Variants in IGSF10 observed in about 807,000 individuals in gnomAD.
The protein encoded by IGSF10 is immunoglobulin superfamily member 10.
A neutral mutation model predicts 128.2 loss-of-function variants in IGSF10; 126 were observed. The ratio of observed to expected loss-of-function variants is 0.98; its 90% confidence interval spans 0.85 to 1.14. IGSF10 has a LOEUF of 1.14. Among genes scored for constraint, IGSF10 ranks in the 50% most tolerant of loss-of-function variants. The probability of loss-of-function intolerance (pLI) is 0.00; values close to 1 mark genes in which losing one functional copy is unlikely to be tolerated. For synonymous variants in IGSF10, 1,185 were observed against 1,146.2 expected (o/e 1.03, Z -0.68); for missense variants, 3,295 against 3,149.8 (o/e 1.05, Z -1.10).
intron 5 of IGSF10, among the ~76,000 whole-genome samples, chr3:151,451,993 A>G (rs2108564259): frequency 1.3e-5 from 2 of 152,332 alleles, no homozygotes; most frequent in South Asian, 2.1e-4. Flanking sequence ...TCAGTGCAAA[A>G]GGATTGCCTA....
the IGSF10 span, among the ~76,000 whole-genome samples, chr3:151,539,187 G>A: frequency 3.3e-5 from 5 of 152,286 alleles, no homozygotes; most frequent in East Asian, 1.9e-4. Flanking sequence ...GAGTCCACAT[G>A]TTACACATGA....
At chr3:151,504,004 G>A in the IGSF10 span, among the ~76,000 whole-genome samples, 4 of 152,230 alleles carry the variant, frequency 2.6e-5, no homozygotes, top group South Asian at 8.3e-4. Context: ...TTATAATAGT[G>A]ATGTTATCCC....
the IGSF10 span, among the ~76,000 whole-genome samples, chr3:151,614,325 A>G: frequency 1.8e-4 from 28 of 152,344 alleles, no homozygotes; most frequent in Admixed American, 1.4e-3. Context: ...TACTGGGTAT[A>G]TACCCAAAGG....
the IGSF10 span, among the ~76,000 whole-genome samples, chr3:151,534,393 T>C: frequency 5.3e-5 from 8 of 152,150 alleles, no homozygotes; most frequent in African/African-American, 1.2e-4. Context: ...AGCAAAGACT[T>C]GGAACCAACC....
In IGSF10 at chr3:151,436,700, G is replaced by T; in HGVS notation, c.7861C>A (p.Gln2621Lys). ...TTTATTATTTCATGTCAGATTACTT[G>T]AATATACGTTGCTGCATAATCACTA... ...LGSDYAATYI[Q>K]VI The change falls in exon 8 of 8, where the codon CAA becomes AAA. Residue 2621 changes from glutamine (Q) to lysine (K), a missense_variant. Gln to Lys is a moderately conservative substitution (Grantham distance 53). Transcript: ENST00000282466. The T allele has an allele frequency of 6.3e-7, 1 of 1,597,672 alleles. No homozygotes were observed. The highest frequency in any genetic ancestry group is 1.1e-5 in the South Asian group (1 of 88,506).
the IGSF10 span, among the ~76,000 whole-genome samples, chr3:151,494,996 C>T: frequency 5.3e-5 from 8 of 152,118 alleles, no homozygotes; most frequent in Admixed American, 1.3e-4. Context: ...ATTGAGAGCC[C>T]AGACAGTATA....
At chr3:151,515,241 G>A in the IGSF10 span, among the ~76,000 whole-genome samples, 1 of 151,938 alleles carries the variant, frequency 6.6e-6, no homozygotes, top group Non-Finnish European at 1.5e-5. Flanking sequence ...ACGATAGACT[G>A]GATTAAGAAA....
At chr3:151,595,580 T>G in the IGSF10 span, among the ~76,000 whole-genome samples, 1 of 149,324 alleles carries the variant, frequency 6.7e-6, no homozygotes, top group Non-Finnish European at 1.5e-5. Flanking sequence ...TACATAAATA[T>G]AATGGAATCT....
At chr3:151,526,301 CT>C in the IGSF10 span, among the ~76,000 whole-genome samples, 2 of 151,606 alleles carry the variant, frequency 1.3e-5, no homozygotes, top group African/African-American at 4.8e-5. Context: ...GAGGCCAGAC[CT>C]TTCTTCTTGT....
the IGSF10 span, among the ~76,000 whole-genome samples, chr3:151,515,585 G>T: frequency 6.6e-6 from 1 of 151,556 alleles, no homozygotes. Flanking sequence ...AAACCTGCAC[G>T]TTGTGTACAT....
At chr3:151,502,024 A>G in the IGSF10 span, among the ~76,000 whole-genome samples, 3 of 151,996 alleles carry the variant, frequency 2.0e-5, no homozygotes, top group African/African-American at 7.2e-5. Flanking sequence ...AATAGTGAGA[A>G]ATTACTTAAT....
At chr3:151,591,045 G>C in the IGSF10 span, among the ~76,000 whole-genome samples, 1 of 152,076 alleles carries the variant, frequency 6.6e-6, no homozygotes, top group South Asian at 2.1e-4. Context: ...AGATTCTAAT[G>C]GTGGAAGAGA....
chr3:151,498,052 A>C, the IGSF10 span, among the ~76,000 whole-genome samples: 1 of 152,192 alleles, frequency 6.6e-6, no homozygotes, highest in African/African-American at 2.4e-5. Context: ...GAAGTTGCTT[A>C]TCAGCTTAAG....
the IGSF10 span, among the ~76,000 whole-genome samples, chr3:151,485,366 G>A: frequency 6.6e-6 from 1 of 152,208 alleles, no homozygotes; most frequent in Non-Finnish European, 1.5e-5. Flanking sequence ...GAACCAAGCT[G>A]TAAAACACTC....
the IGSF10 span, chr3:151,475,967 G>T: frequency 5.7e-3 from 870 of 153,192 alleles, 9 homozygotes; most frequent in African/African-American, 0.02. Context: ...AATGTCCATA[G>T]AAGGGTGCCA....
chr3:151,469,156 G>A, the IGSF10 span, among the ~76,000 whole-genome samples: 4 of 152,230 alleles, frequency 2.6e-5, no homozygotes, highest in Non-Finnish European at 5.9e-5. Context: ...CATTTGGGTT[G>A]ATTCCATGTC....
chr3:151,580,083 C>T, the IGSF10 span, among the ~76,000 whole-genome samples: 1 of 151,994 alleles, frequency 6.6e-6, no homozygotes, highest in Non-Finnish European at 1.5e-5. Flanking sequence ...CGGCTCACAC[C>T]CTTAATCGCA....
the IGSF10 span, among the ~76,000 whole-genome samples, chr3:151,587,180 G>GA: frequency 6.6e-6 from 1 of 152,130 alleles, no homozygotes; most frequent in African/African-American, 2.4e-5. Context: ...AGACACCATA[G>GA]TTCTTAGAAG....
At chr3:151,450,768 T>C (rs1721471926) in intron 5 of IGSF10, among the ~76,000 whole-genome samples, 1 of 151,728 alleles carries the variant, frequency 6.6e-6, no homozygotes, top group Non-Finnish European at 1.5e-5. Flanking sequence ...TGGTGGCACA[T>C]GTCTATAATC....
Sources: allele counts gnomAD v4.1 joint callset (sites outside exome capture counted in the v4.1 genomes callset), GRCh38; gene constraint gnomAD v4.1.1; transcripts MANE v1.5; gene names NCBI Gene and HGNC (gene_info 2026-07-23, HGNC 2026-07-21).